Variants in MET observed in about 807,000 individuals in gnomAD.
MET encodes hepatocyte growth factor receptor.
MET carries 48 observed loss-of-function variants against 133.1 expected under a neutral mutation model. That is an observed-to-expected ratio of 0.36 (90% CI 0.29 to 0.46). The LOEUF is 0.46. Among genes scored for constraint, MET ranks in the 20% least tolerant of loss-of-function variants. The pLI is 1.00. For missense variants in MET, 1,442 were observed against 1,695.9 expected, an observed-to-expected ratio of 0.85 and a Z score of 2.63; for synonymous variants, 628 against 616.5, an observed-to-expected ratio of 1.02 and a Z score of -0.28.
chr7:116,777,806 G>C (rs1795040388), intron 16 of MET, among the ~76,000 whole-genome samples: 2 of 152,284 alleles, frequency 1.3e-5, no homozygotes, highest in African/African-American at 4.8e-5. Flanking sequence ...ACCTACAGTA[G>C]TAATGACTCA....
intron 5 of MET, among the ~76,000 whole-genome samples, chr7:116,745,129 C>T (rs1793618014): frequency 6.6e-6 from 1 of 152,100 alleles, no homozygotes; most frequent in Non-Finnish European, 1.5e-5. Context: ...TTTTTATACA[C>T]CAATAACAGA....
chr7:116,755,347 C>T lies in MET; in HGVS notation c.1702-8C>T, dbSNP rs1554394916. 4 of 1,613,686 alleles carry T rather than the reference C, an allele frequency of 2.5e-6. No individual in the cohort carries two copies. The highest frequency in any genetic ancestry group is 1.3e-5 in the African/African-American group (1 of 74,944). ...GGTTTTTTTAAAAGTTCTATGTTGTCCTTGTAGGTTTTCCCAAATAGTGCA... is the reference window on the plus strand; with the variant it reads ...GGTTTTTTTAAAAGTTCTATGTTGTTCTTGTAGGTTTTCCCAAATAGTGCA... On this transcript the variant is annotated splice_polypyrimidine_tract_variant and splice_region_variant and intron_variant, in intron 5 of 20. Transcript: ENST00000397752.
chr7:116,773,732 C>T (rs550288023), intron 14 of MET, among the ~76,000 whole-genome samples: 32 of 152,282 alleles, frequency 2.1e-4, no homozygotes, highest in African/African-American at 7.2e-4. Context: ...TGGCTAGTGT[C>T]TACTATAACT....
chr7:116,708,488 A>G (rs1791880007), intron 2 of MET, among the ~76,000 whole-genome samples: 1 of 152,208 alleles, frequency 6.6e-6, no homozygotes, highest in Non-Finnish European at 1.5e-5. Context: ...AAGTAGTACA[A>G]TGCTGGAGAA....
At chr7:116,754,024 A>G (rs1243879172) in intron 5 of MET, among the ~76,000 whole-genome samples, 1 of 152,158 alleles carries the variant, frequency 6.6e-6, no homozygotes, top group Non-Finnish European at 1.5e-5. Flanking sequence ...AGTCCTGTCT[A>G]CTAGAGAGGC....
intron 2 of MET, among the ~76,000 whole-genome samples, chr7:116,721,674 G>A (rs1479674474): frequency 6.6e-6 from 1 of 151,842 alleles, no homozygotes; most frequent in East Asian, 1.9e-4. Flanking sequence ...CAGAGATTCT[G>A]GTATGTTGTG....
At chr7:116,687,593 G>T (rs1796607241) in intron 1 of MET, among the ~76,000 whole-genome samples, 1 of 152,170 alleles carries the variant, frequency 6.6e-6, no homozygotes, top group African/African-American at 2.4e-5. Flanking sequence ...GTATTCTCAT[G>T]ATTTCTAACA....
At chr7:116,786,359 A>G (rs1351915320) in intron 19 of MET, among the ~76,000 whole-genome samples, 1 of 152,244 alleles carries the variant, frequency 6.6e-6, no homozygotes, top group East Asian at 1.9e-4. Flanking sequence ...AATTCAGTCC[A>G]TAGCAGGGGT....
intron 7 of MET, 30 bp downstream of exon 7, chr7:116,757,569 A>AT (rs755115906): frequency 6.2e-7 from 1 of 1,612,814 alleles, no homozygotes; most frequent in Non-Finnish European, 8.5e-7. Context: ...ATCATGTTTG[A>AT]TTTTTACTTA....
intron 5 of MET, among the ~76,000 whole-genome samples, chr7:116,752,290 C>A (rs1014837441): frequency 6.6e-6 from 1 of 151,956 alleles, no homozygotes; most frequent in Non-Finnish European, 1.5e-5. Context: ...CATGTTTTAT[C>A]CTAATGGGTT....
At chr7:116,748,524 G>A (rs918554987) in intron 5 of MET, among the ~76,000 whole-genome samples, 3 of 152,148 alleles carry the variant, frequency 2.0e-5, no homozygotes, top group Non-Finnish European at 4.4e-5. Context: ...GAGAAAGTGG[G>A]AAAGACCTAA....
At chr7:116,775,508 A>C (rs1794965449) in intron 15 of MET, among the ~76,000 whole-genome samples, 1 of 152,136 alleles carries the variant, frequency 6.6e-6, no homozygotes, top group Non-Finnish European at 1.5e-5. Flanking sequence ...GTTCAAAACC[A>C]TCCTGGCCAA....
intron 3 of MET, 47 bp from the exon 4 acceptor site, chr7:116,739,903 A>G (rs1403950811): frequency 6.2e-7 from 1 of 1,613,492 alleles, no homozygotes; most frequent in Non-Finnish European, 8.5e-7. Flanking sequence ...CTTATATTTA[A>G]ACTGAGCTTG....
chr7:116,751,011 T>C (rs1793898770), intron 5 of MET, among the ~76,000 whole-genome samples: 1 of 152,226 alleles, frequency 6.6e-6, no homozygotes, highest in Non-Finnish European at 1.5e-5. Flanking sequence ...GAAGACAGTA[T>C]GGCGATTCCT....
intron 5 of MET, among the ~76,000 whole-genome samples, chr7:116,750,247 G>A (rs1793864397): frequency 6.6e-6 from 1 of 152,024 alleles, no homozygotes; most frequent in African/African-American, 2.4e-5. Flanking sequence ...TAGACCAATG[G>A]AACAGAACAG....
chr7:116,775,360 C>T (rs1409813341), intron 15 of MET, among the ~76,000 whole-genome samples: 3 of 152,150 alleles, frequency 2.0e-5, no homozygotes, highest in Non-Finnish European at 4.4e-5. Flanking sequence ...TCGTCCTCGT[C>T]CTGTGTGTAC....
At chr7:116,761,683 T>C (rs1025820467) in intron 10 of MET, among the ~76,000 whole-genome samples, 1 of 152,134 alleles carries the variant, frequency 6.6e-6, no homozygotes, top group Non-Finnish European at 1.5e-5. Flanking sequence ...TAAACAATTA[T>C]TGTGATGACA....
intron 2 of MET, among the ~76,000 whole-genome samples, chr7:116,718,643 T>TC (rs1416550430): frequency 1.4e-5 from 1 of 71,434 alleles, no homozygotes; most frequent in Non-Finnish European, 2.6e-5. Flanking sequence ...CCCTCCCCCC[T>TC]CCCCCCACCC....
chr7:116,706,538 A>G (rs908159868), intron 2 of MET, among the ~76,000 whole-genome samples: 1 of 152,058 alleles, frequency 6.6e-6, no homozygotes, highest in African/African-American at 2.4e-5. Flanking sequence ...AATAATGTAT[A>G]TTTTTACTCC....
Sources: gnomAD v4.1 joint callset for allele counts (sites outside exome capture counted in the v4.1 genomes callset) on GRCh38, gnomAD v4.1.1 for gene constraint, MANE v1.5 for transcripts, NCBI Gene and HGNC (gene_info 2026-07-23, HGNC 2026-07-21) for gene names.